The following RBSN variants were observed in gnomAD, a reference collection of about 807,000 sequenced individuals.
RBSN encodes rabenosyn, RAB effector, also known as rabenosyn-5.
RBSN carries 34 observed loss-of-function variants against 60.5 expected under a neutral mutation model. That is an observed-to-expected ratio of 0.56 (90% CI 0.43 to 0.75). The LOEUF is 0.75. RBSN is among the 30% of genes least tolerant of loss of function. The pLI is 0.00. For missense variants in RBSN, 845 were observed against 986.8 expected, an observed-to-expected ratio of 0.86 and a Z score of 1.92; for synonymous variants, 322 against 366.9, an observed-to-expected ratio of 0.88 and a Z score of 1.40.
In RBSN at chr3:15,074,882, C is replaced by G. The variant is rs896161039; in HGVS notation, c.1255G>C (p.Ala419Pro). 22 of 1,613,704 alleles carry G rather than the reference C, an allele frequency of 1.4e-5. No individual in the cohort carries two copies. The highest frequency in any genetic ancestry group is 1.7e-5 in the Non-Finnish European group (20 of 1,179,938). The part of the protein sequence containing the change: ...RRLEERQSGL[A>P]SRAANGEVAS... ...ACCTCCCCGTTGGCCGCTCGAGAAG[C>G]CAGGCCACTCTGCCTTTCCTCAAGC... The change falls in exon 14 of 14, where the codon GCT becomes CCT. Residue 419 changes from alanine to proline, a missense_variant. By Grantham distance (27) the Ala-to-Pro change is conservative. Transcript: ENST00000253699. The surrounding 1 kb of genome is among the most constrained non-coding windows in gnomAD (Gnocchi z 6.4).
At chr3:15,080,319 T>C (rs1241999370) in intron 10 of RBSN, among the ~76,000 whole-genome samples, 1 of 151,510 alleles carries the variant, frequency 6.6e-6, no homozygotes, top group African/African-American at 2.4e-5. Context: ...CCTGCTCTAA[T>C]GGTCATGCCT....
Position 15,073,795 on chromosome 3 carries a change from C to G in RBSN, c.2342G>C (p.Gly781Ala). The G allele has an allele frequency of 6.2e-7, 1 of 1,602,792 alleles. No individual in the cohort carries two copies. Among genetic ancestry groups the G allele is most frequent in the Non-Finnish European group, 8.5e-7 (1 of 1,175,126 alleles). The change falls in exon 14 of 14, where the codon GGG becomes GCG. Residue 781 changes from glycine (G) to alanine (A), a missense_variant. By Grantham distance (60) the Gly-to-Ala change is moderately conservative (BLOSUM62 0). Transcript: ENST00000253699. ...CTCCACTGCTGGTCAGTCAGTGCCC[C>G]CCTTCTGCTTGGCCAGGGTGTGCTT... ...ELKHTLAKQK[G>A]GTD
chr3:15,073,873 T>C lies in RBSN; in HGVS notation c.2264A>G (p.Gln755Arg), dbSNP rs775503983. The change falls in exon 14 of 14, where the codon CAG becomes CGG. Residue 755 changes from glutamine to arginine, a missense_variant. Transcript: ENST00000253699. The stretch of plus-strand genomic sequence containing the variant: ...CTCTACCTCATCCAGGCGGCCGCAC[T>C]GCTTGGCATCAAAGATGTATGCCTT... ...NIKAYIFDAK[Q>R]CGRLDEVEVL... is the part of the protein sequence containing the mutation. The C allele has an allele frequency of 6.2e-7, 1 of 1,614,082 alleles. No homozygotes were observed. The highest frequency in any genetic ancestry group is 1.1e-5 in the South Asian group (1 of 91,062).
chr3:15,096,105 C>G lies in RBSN; in HGVS notation c.16G>C (p.Asp6His), dbSNP rs1206874119. MASLD[D>H]PGEVREGFLC... is the part of the protein sequence containing the mutation. ...AAGCCCTCCCTCACTTCCCCTGGGTCGTCCAGAGAAGCCATGGCAGTGCCG... is the reference window on the plus strand; with the variant it reads ...AAGCCCTCCCTCACTTCCCCTGGGTGGTCCAGAGAAGCCATGGCAGTGCCG... Residue 6 changes from aspartate to histidine, a missense_variant, in exon 4 of 14, where the codon GAC becomes CAC. Coordinates refer to ENST00000253699, the MANE Select transcript of RBSN (RefSeq NM_022340.4). 2 of 1,595,272 alleles carry G rather than the reference C, an allele frequency of 1.3e-6. No individual in the cohort carries two copies. The highest frequency in any genetic ancestry group is 1.7e-5 in the Admixed American group (1 of 57,364).
Position 15,074,536 on chromosome 3 carries a change from C to A in RBSN, c.1601G>T (p.Arg534Met). The A allele has an allele frequency of 6.2e-7, 1 of 1,614,240 alleles. No homozygotes were observed. The highest frequency in any genetic ancestry group is 1.1e-5 in the South Asian group (1 of 91,090). The change falls in exon 14 of 14, where the codon AGG (arginine) becomes ATG (methionine). Residue 534 changes from arginine (R) to methionine (M), a missense_variant. Transcript: ENST00000253699. The surrounding 1 kb of genome is among the most constrained non-coding windows in gnomAD (Gnocchi z 6.4). Reference protein sequence around the residue: ...MLRERELEREREQFRVASLHT... With the variant: ...MLRERELEREMEQFRVASLHT... ...CAGGGATGCCACCCGAAACTGCTCCCTTTCTCGTTCCAACTCCCGTTCACG... is the reference window on the plus strand; with the variant it reads ...CAGGGATGCCACCCGAAACTGCTCCATTTCTCGTTCCAACTCCCGTTCACG...
chr3:15,076,423 A>C (rs1302492072), intron 12 of RBSN, among the ~76,000 whole-genome samples: 1 of 152,190 alleles, frequency 6.6e-6, no homozygotes, highest in African/African-American at 2.4e-5. Context: ...CAACATGGTA[A>C]GACCCTGTCT....
At chr3:15,096,945 G>A (rs904038091) in intron 2 of RBSN, among the ~76,000 whole-genome samples, 1 of 152,076 alleles carries the variant, frequency 6.6e-6, no homozygotes, top group African/African-American at 2.4e-5. Flanking sequence ...CAACAGCCTC[G>A]ACCTTCTCGG....
intron 4 of RBSN, 163 bp downstream of exon 4, chr3:15,095,810 A>C (rs756964873): frequency 5.9e-6 from 5 of 844,968 alleles, no homozygotes; most frequent in South Asian, 1.8e-5. Context: ...TGAAATTAAT[A>C]AACAGGGAAA....
chr3:15,089,456 C>CAAAAAAAAAAAAA (rs757156425), intron 5 of RBSN, among the ~76,000 whole-genome samples: 217 of 30,812 alleles, frequency 7.0e-3, no homozygotes, highest in Non-Finnish European at 9.9e-3. Context: ...ACTCCATCTC[C>CAAAAAAAAAAAAA]AAAAAAAAAA....
At position 15,080,225 on chromosome 3, in the gene RBSN, C is replaced by T. The variant is rs969466530; in HGVS notation, c.911+507G>A. On this transcript the variant is annotated intron_variant, in intron 10 of 13. Coordinates refer to ENST00000253699, the MANE Select transcript of RBSN (RefSeq NM_022340.4). ...ACGCCACTGCACTCCAGCCTGGCAA[C>T]AGAGTGAGACTCCGTCTCGGAAAAA... Among the ~76,000 whole-genome samples the T allele has an allele frequency of 4.1e-5, 6 of 144,936 alleles. No individual in the cohort carries two copies. The South Asian group carries it at 1.3e-3, about 31-fold the overall frequency.
At chr3:15,093,878 A>T (rs71308123) in intron 4 of RBSN, among the ~76,000 whole-genome samples, 14,021 of 150,156 alleles carry the variant, frequency 0.093, 757 homozygotes, top group Middle Eastern at 0.16. Context: ...ATTAAAAAAA[A>T]TTTTTTTTTA....
chr3:15,095,749 TG>T, intron 4 of RBSN: 1 of 602,426 alleles, frequency 1.7e-6, no homozygotes, highest in Non-Finnish European at 2.9e-6. Flanking sequence ...AATCTCTCTG[TG>T]TCTGGTTCGA....
chr3:15,078,809 TATATATATATATATAC>T (rs2043130130), intron 10 of RBSN, among the ~76,000 whole-genome samples: 1 of 126,272 alleles, frequency 7.9e-6, no homozygotes, highest in Non-Finnish European at 1.6e-5. Context: ...TATATATATA[TATATATATATATATAC>T]ATGGTTTTGT....
chr3:15,088,348 A>G (rs929461557), intron 5 of RBSN, among the ~76,000 whole-genome samples: 7 of 151,972 alleles, frequency 4.6e-5, no homozygotes, highest in African/African-American at 1.7e-4. Flanking sequence ...TGGCTTTCAT[A>G]TGTATCTCAT....
At chr3:15,093,816 C>CT (rs1280018717) in intron 4 of RBSN, among the ~76,000 whole-genome samples, 5 of 152,158 alleles carry the variant, frequency 3.3e-5, no homozygotes, top group African/African-American at 1.2e-4. Context: ...ATCCTTCTGC[C>CT]TCAGCCTTCC....
At chr3:15,085,152 T>A (rs1345366116) in intron 6 of RBSN, 107 bp from the exon 7 acceptor site, 1 of 1,304,258 alleles carries the variant, frequency 7.7e-7, no homozygotes, top group Non-Finnish European at 1.1e-6. Context: ...ATTCCTCAAG[T>A]CTCATCTGTC....
intron 5 of RBSN, among the ~76,000 whole-genome samples, chr3:15,088,684 A>G (rs1329807249): frequency 6.6e-6 from 1 of 152,124 alleles, no homozygotes; most frequent in Non-Finnish European, 1.5e-5. Context: ...CCGGCTGTAT[A>G]GTATTATTTT....
Position 15,074,993 on chromosome 3 carries a change from A to G in RBSN, c.1207-63T>C. 6.6e-7 allele frequency: 1 copy of G among 1,525,944 alleles called. No individual in the cohort carries two copies. Among genetic ancestry groups the G allele is most frequent in the African/African-American group, 1.4e-5 (1 of 73,130 alleles). 94.5% of individuals were successfully genotyped at this position (1,525,944 alleles called of 1,614,324 possible). Reference sequence around the variant, plus strand: ...TATGCTGGCAGCAGCCCACACTGTCACCCACCCTCTGTTGTCCCTCTATCC... The same window carrying G: ...TATGCTGGCAGCAGCCCACACTGTCGCCCACCCTCTGTTGTCCCTCTATCC... On this transcript the variant is annotated intron_variant, in intron 13 of 13. Coordinates refer to ENST00000253699, the MANE Select transcript of RBSN (RefSeq NM_022340.4). This position sits in a 1 kb window ranked among gnomAD's most constrained non-coding sequence, Gnocchi z 6.4.
At chr3:15,078,626 T>C (rs1012768977) in intron 10 of RBSN, among the ~76,000 whole-genome samples, 1 of 151,214 alleles carries the variant, frequency 6.6e-6, no homozygotes, top group South Asian at 2.1e-4. Flanking sequence ...CCAGGCATCG[T>C]GGTGGGTGCC....
Sources: allele counts gnomAD v4.1 joint callset (sites outside exome capture counted in the v4.1 genomes callset), GRCh38; gene constraint gnomAD v4.1.1; non-coding constraint Gnocchi (gnomAD v3.1); transcripts MANE v1.5; gene names NCBI Gene and HGNC (gene_info 2026-07-23, HGNC 2026-07-21).